MYCBP2: variants seen among roughly 807,000 people sequenced by gnomAD.
MYCBP2 encodes MYC binding protein 2, also known as E3 ubiquitin-protein ligase MYCBP2.
In MYCBP2, 120 loss-of-function variants were observed where a neutral mutation model predicts 525.3. That is an observed-to-expected ratio of 0.23 (90% CI 0.20 to 0.27). MYCBP2 has a LOEUF of 0.27. Ranked by LOEUF, MYCBP2 falls within the 10% of genes least tolerant of loss-of-function variation. MYCBP2 has a pLI of 1.00. For synonymous variants in MYCBP2, 1,894 were observed against 1,955.8 expected (o/e 0.97, Z 0.83); for missense variants, 4,149 against 5,657.1 (o/e 0.73, Z 8.55).
chr13:77,099,090 T>C, intron 55 of MYCBP2, 77 bp from the exon 56 acceptor site: 2 of 1,537,456 alleles, frequency 1.3e-6, no homozygotes, highest in Non-Finnish European at 1.7e-6. Flanking sequence ...AACACTGAAA[T>C]AAAAAAACAT....
chr13:77,255,956 A>G lies in MYCBP2; in HGVS notation c.2176+1715T>C, dbSNP rs983744701. Among the ~76,000 whole-genome samples the G allele has an allele frequency of 5.9e-5, 9 of 152,042 alleles. No individual in the cohort carries two copies. In the East Asian group the frequency reaches 1.3e-3, roughly 23 times the overall value. On this transcript the variant is annotated intron_variant, in intron 14 of 82. Coordinates refer to ENST00000544440, the MANE Select transcript of MYCBP2 (RefSeq NM_015057.5). ...ATCAGAAATTGGAGTGAAAGTTATA[A>G]ACATAACGATAGCAGCTAGATATAA...
rs145711874 is a variant in MYCBP2, at chr13:77,077,090, C to T, written c.11724+58G>A. On this transcript the variant is annotated intron_variant, in intron 67 of 82. Transcript: ENST00000544440. ...AAGTTTCACAAAATATTTTGTTACA[C>T]TCTTAAAATATATTACATCAATTAT... 1.5e-3 allele frequency: 2,276 copies of T among 1,560,374 alleles called. 33 individuals are homozygous for T. In the African/African-American group the frequency reaches 0.027, roughly 19 times the overall value.
chr13:77,168,815 C>G (rs1362398111), intron 39 of MYCBP2, among the ~76,000 whole-genome samples, 169 bp from the exon 40 acceptor site: 1 of 152,122 alleles, frequency 6.6e-6, no homozygotes, highest in Non-Finnish European at 1.5e-5. Flanking sequence ...AAAGATTTAT[C>G]TTAGATGTTA....
chr13:77,324,828 T>G (rs1046983818), intron 1 of MYCBP2, among the ~76,000 whole-genome samples: 1 of 152,226 alleles, frequency 6.6e-6, no homozygotes, highest in African/African-American at 2.4e-5. Context: ...AATTATTGCA[T>G]AAGTCTGGAA....
chr13:77,081,741 A>C lies in MYCBP2; in HGVS notation c.11194-90T>G. On this transcript the variant is annotated intron_variant, in intron 64 of 82. Transcript: ENST00000544440. The surrounding 1 kb of genome is among the most constrained non-coding windows in gnomAD (Gnocchi z 4.6). ...ACAGGTATAAGATAAAACATAATGGAAGACAGGATCAAATTGATTATGAAT... is the reference window on the plus strand; with the variant it reads ...ACAGGTATAAGATAAAACATAATGGCAGACAGGATCAAATTGATTATGAAT... The C allele has an allele frequency of 6.5e-7, 1 of 1,531,972 alleles. No homozygotes were observed. Among genetic ancestry groups the C allele is most frequent in the Non-Finnish European group, 8.8e-7 (1 of 1,135,526 alleles). 94.9% of individuals were successfully genotyped at this position (1,531,972 alleles called of 1,614,324 possible).
chr13:77,100,333 G>A (rs569095628), intron 55 of MYCBP2: 16 of 152,136 alleles, frequency 1.1e-4, no homozygotes, highest in African/African-American at 3.6e-4. Context: ...CCCAGTCTTT[G>A]TCAAGGGCAG....
intron 34 of MYCBP2, among the ~76,000 whole-genome samples, chr13:77,179,778 ATGAGTAGGGCC>A (rs2060042038): frequency 6.6e-6 from 1 of 152,164 alleles, no homozygotes; most frequent in South Asian, 2.1e-4. Context: ...TGTGTGCACT[ATGAGTAGGGCC>A]TGACTTCAGC....
chr13:77,232,725 CTTA>C (rs1421602933), intron 18 of MYCBP2, among the ~76,000 whole-genome samples: 1 of 152,042 alleles, frequency 6.6e-6, no homozygotes, highest in African/African-American at 2.4e-5. Flanking sequence ...TAATGGCAGT[CTTA>C]TTATCATCAT....
intron 46 of MYCBP2, among the ~76,000 whole-genome samples, chr13:77,154,968 T>A (rs568369510): frequency 1.1e-4 from 16 of 152,192 alleles, no homozygotes; most frequent in African/African-American, 3.6e-4. Context: ...TGTGTGTATG[T>A]ATATATAAAG....
At chr13:77,163,285 TG>T (rs2058159017) in intron 43 of MYCBP2, among the ~76,000 whole-genome samples, 1 of 152,184 alleles carries the variant, frequency 6.6e-6, no homozygotes, top group African/African-American at 2.4e-5. Flanking sequence ...AAAAATAGGT[TG>T]CTAGCAATTT....
chr13:77,203,132 A>T (rs1027242700), intron 26 of MYCBP2, among the ~76,000 whole-genome samples: 6 of 152,266 alleles, frequency 3.9e-5, no homozygotes, highest in Middle Eastern at 3.4e-3. Context: ...ACATGATTGT[A>T]TATCTAGAAA....
At chr13:77,163,645 A>G (rs2058204374) in intron 43 of MYCBP2, among the ~76,000 whole-genome samples, 1 of 152,188 alleles carries the variant, frequency 6.6e-6, no homozygotes, top group Non-Finnish European at 1.5e-5. Context: ...CCACTGCCTC[A>G]TCTCTGTTCT....
intron 10 of MYCBP2, among the ~76,000 whole-genome samples, chr13:77,262,864 T>C (rs1442088210): frequency 2.0e-5 from 3 of 152,032 alleles, no homozygotes; most frequent in East Asian, 3.8e-4. Flanking sequence ...ATTCAAGATT[T>C]TTCTAGGGAA....
intron 65 of MYCBP2, 66 bp from the exon 66 acceptor site, chr13:77,078,955 C>T: frequency 7.6e-7 from 1 of 1,316,792 alleles, no homozygotes; most frequent in Non-Finnish European, 1.1e-6. Flanking sequence ...AATGGTTTCT[C>T]ATGACCTACT....
chr13:77,092,011 G>C (rs2045503689), intron 59 of MYCBP2, among the ~76,000 whole-genome samples: 2 of 151,012 alleles, frequency 1.3e-5, no homozygotes, highest in Non-Finnish European at 2.9e-5. Flanking sequence ...AATGTCAAGA[G>C]CAGCTTCAAA....
chr13:77,307,038 A>C (rs2079519547), intron 1 of MYCBP2, among the ~76,000 whole-genome samples: 1 of 152,254 alleles, frequency 6.6e-6, no homozygotes, highest in South Asian at 2.1e-4. Context: ...GGTGGATTTA[A>C]GTGTACAGGA....
intron 75 of MYCBP2, 57 bp from the exon 76 acceptor site, chr13:77,061,358 G>C: frequency 7.1e-7 from 1 of 1,410,476 alleles, no homozygotes; most frequent in Admixed American, 2.4e-5. Context: ...CTGAAAGGGA[G>C]AGTATAAAAT....
intron 69 of MYCBP2, 104 bp from the exon 70 acceptor site, chr13:77,068,935 T>G (rs199679583): frequency 4.6e-6 from 5 of 1,094,516 alleles, no homozygotes; most frequent in Non-Finnish European, 6.6e-6. Flanking sequence ...TGTAAATTGA[T>G]ACTCAATTTA....
rs188669255 is a variant in MYCBP2 at position 77,212,907 on chromosome 13, C to T, written c.3058-747G>A. On this transcript the variant is annotated intron_variant, in intron 21 of 82. Coordinates refer to ENST00000544440, the MANE Select transcript of MYCBP2 (RefSeq NM_015057.5). ...AATAGATATTCTTCCACCCCTGGCT[C>T]GGGACCTCTCTCCCCTCACAGCATT... 1.4e-4 allele frequency among the ~76,000 whole-genome samples: 22 copies of T among 152,270 alleles called. No homozygotes were observed. The East Asian group carries it at 1.5e-3, about 11-fold the overall frequency.
Sources: allele counts gnomAD v4.1 joint callset (sites outside exome capture counted in the v4.1 genomes callset), GRCh38; gene constraint gnomAD v4.1.1; non-coding constraint Gnocchi (gnomAD v3.1); transcripts MANE v1.5; gene names NCBI Gene and HGNC (gene_info 2026-07-23, HGNC 2026-07-21).